Variants in CHST9 observed in about 807,000 individuals in gnomAD.
CHST9 encodes GalNAc-4-sulfotransferase 2.
CHST9 carries 41 observed loss-of-function variants against 44.4 expected under a neutral mutation model. That is an observed-to-expected ratio of 0.92 (90% CI 0.72 to 1.20). CHST9 has a LOEUF of 1.20. CHST9 is among the 50% of genes most tolerant of loss of function. The pLI is 0.00. For missense variants in CHST9, 504 were observed against 516.5 expected (o/e 0.98, Z 0.23); for synonymous variants, 171 against 178.4 (o/e 0.96, Z 0.33).
chr18:27,113,071 C>A (rs1478262103), intron 2 of CHST9, among the ~76,000 whole-genome samples: 1 of 151,948 alleles, frequency 6.6e-6, no homozygotes, highest in Non-Finnish European at 1.5e-5. Context: ...CACCTGTAGT[C>A]CCAGCTACTC....
chr18:27,084,964 A>AACT (rs2057997272), intron 2 of CHST9, among the ~76,000 whole-genome samples: 1 of 151,540 alleles, frequency 6.6e-6, no homozygotes, highest in African/African-American at 2.4e-5. Context: ...GTTTGGAGAG[A>AACT]TCTTATTATT....
chr18:27,142,621 C>A (rs1018442704), intron 2 of CHST9, 68 bp downstream of exon 2: 2 of 1,123,946 alleles, frequency 1.8e-6, no homozygotes, highest in Admixed American at 2.9e-5. Flanking sequence ...ATAAGCATCA[C>A]AACTAATTTA....
At chr18:27,092,235 G>T (rs1449693183) in intron 2 of CHST9, among the ~76,000 whole-genome samples, 2 of 152,176 alleles carry the variant, frequency 1.3e-5, no homozygotes, top group East Asian at 1.9e-4. Context: ...TTGCATAGAG[G>T]TGTTTATAGT....
intron 2 of CHST9, among the ~76,000 whole-genome samples, chr18:27,090,339 G>A (rs561686192): frequency 1.7e-4 from 26 of 152,202 alleles, no homozygotes; most frequent in African/African-American, 6.3e-4. Flanking sequence ...GTAGGTTCTG[G>A]ATATTAGCCC....
At position 27,028,556 on chromosome 18, in the gene CHST9, T is replaced by TC. The variant is rs1165091474; in HGVS notation, c.161-4400_161-4399insG. On this transcript the variant is annotated intron_variant, in intron 3 of 5. Coordinates refer to ENST00000618847, the MANE Select transcript of CHST9 (RefSeq NM_031422.6). Reference sequence around the variant, plus strand: ...TAGGAGGCCAGTAAAAGTAACTTCTTTTTTTTTTTGAGATGGAGTCTCGCT... The same window carrying TC: ...TAGGAGGCCAGTAAAAGTAACTTCTTCTTTTTTTTTGAGATGGAGTCTCGCT... Among the ~76,000 whole-genome samples the TC allele has an allele frequency of 5.2e-4, 78 of 149,972 alleles. 1 individual carries two copies. Among genetic ancestry groups the TC allele is most frequent in the Non-Finnish European group, 4.5e-5 (3 of 67,240 alleles).
At chr18:26,926,083 G>T (rs189349279) in intron 5 of CHST9, among the ~76,000 whole-genome samples, 391 of 152,282 alleles carry the variant, frequency 2.6e-3, no homozygotes, top group South Asian at 6.9e-3. Flanking sequence ...ACAATTATGG[G>T]TAACAGGGAG....
chr18:27,127,742 G>A (rs921409087), intron 2 of CHST9, among the ~76,000 whole-genome samples: 3 of 152,178 alleles, frequency 2.0e-5, no homozygotes, highest in Admixed American at 6.5e-5. Flanking sequence ...ATACATAGAC[G>A]ATGGGCAAGA....
At chr18:27,159,823 A>G (rs2058731223) in intron 1 of CHST9, among the ~76,000 whole-genome samples, 1 of 152,120 alleles carries the variant, frequency 6.6e-6, no homozygotes. Context: ...GAGGTCCTTT[A>G]CGTCCCTTGT....
At chr18:26,965,520 G>T (rs1283723313) in intron 4 of CHST9, among the ~76,000 whole-genome samples, 1 of 152,220 alleles carries the variant, frequency 6.6e-6, no homozygotes, top group Non-Finnish European at 1.5e-5. Flanking sequence ...GGAATTCACA[G>T]ACCTAAGTTC....
At chr18:26,925,379 A>G (rs2145071031) in intron 5 of CHST9, among the ~76,000 whole-genome samples, 1 of 152,354 alleles carries the variant, frequency 6.6e-6, no homozygotes, top group African/African-American at 2.4e-5. Flanking sequence ...CATTTTACAG[A>G]TTAAGAACCT....
intron 5 of CHST9, chr18:26,935,500 A>G (rs1434677269): frequency 6.6e-6 from 1 of 152,220 alleles, no homozygotes; most frequent in Non-Finnish European, 1.5e-5. Flanking sequence ...AATAAAATCT[A>G]TTTTGTTTAT....
chr18:27,179,688 T>C (rs2058896438), intron 1 of CHST9, among the ~76,000 whole-genome samples: 1 of 152,088 alleles, frequency 6.6e-6, no homozygotes, highest in South Asian at 2.1e-4. Flanking sequence ...TATCAAACTG[T>C]ATAACCTGGT....
chr18:27,110,294 G>C (rs2058259870), intron 2 of CHST9, among the ~76,000 whole-genome samples: 1 of 151,814 alleles, frequency 6.6e-6, no homozygotes, highest in Non-Finnish European at 1.5e-5. Context: ...TGCATGTGAT[G>C]ATTTTTTTTT....
intron 5 of CHST9, among the ~76,000 whole-genome samples, chr18:26,940,455 G>A (rs2056066363): frequency 6.6e-6 from 1 of 152,130 alleles, no homozygotes; most frequent in African/African-American, 2.4e-5. Flanking sequence ...TTAACAATAG[G>A]GGAGGTTTTT....
At chr18:27,039,564 A>G (rs1261195433) in intron 3 of CHST9, among the ~76,000 whole-genome samples, 2 of 152,158 alleles carry the variant, frequency 1.3e-5, no homozygotes, top group African/African-American at 4.8e-5. Context: ...AGATGAAAAG[A>G]TTTCTGTGAA....
At chr18:26,934,817 T>C (rs1331448949) in intron 5 of CHST9, 2 of 152,252 alleles carry the variant, frequency 1.3e-5, no homozygotes, top group Non-Finnish European at 2.9e-5. Flanking sequence ...TCCACGATCC[T>C]TCCCTGAACA....
chr18:26,980,530 G>C (rs1334704403), intron 4 of CHST9, among the ~76,000 whole-genome samples: 3 of 152,170 alleles, frequency 2.0e-5, no homozygotes, highest in Non-Finnish European at 4.4e-5. Flanking sequence ...TTATTCAACA[G>C]TTCACACACT....
intron 1 of CHST9, among the ~76,000 whole-genome samples, chr18:27,183,979 CCT>C (rs2058934349): frequency 6.6e-6 from 1 of 151,952 alleles, no homozygotes; most frequent in African/African-American, 2.4e-5. Flanking sequence ...AAAAGAGGCC[CCT>C]GTCCTTCAAA....
chr18:27,020,382 C>T (rs372125046), intron 4 of CHST9, among the ~76,000 whole-genome samples: 4 of 152,302 alleles, frequency 2.6e-5, no homozygotes, highest in South Asian at 2.1e-4. Flanking sequence ...GTGAATTTCA[C>T]GTGATTCATG....
Sources: allele counts gnomAD v4.1 joint callset (sites outside exome capture counted in the v4.1 genomes callset), GRCh38; gene constraint gnomAD v4.1.1; transcripts MANE v1.5; gene names NCBI Gene and HGNC (gene_info 2026-07-23, HGNC 2026-07-21).